TARBP1: variants seen among roughly 807,000 people sequenced by gnomAD.
The protein encoded by TARBP1 is tRNA (guanosine(18)-2'-O)-methyltransferase TARBP1.
Under a neutral mutation model 178.6 loss-of-function variants are expected in TARBP1, and 144 were observed. That is an observed-to-expected ratio of 0.81 (90% confidence interval 0.70 to 0.93). TARBP1 has a LOEUF of 0.93. TARBP1 is among the 40% of genes least tolerant of loss of function. TARBP1 has a pLI of 0.00. For synonymous variants in TARBP1, 787 were observed against 781.0 expected (o/e 1.01, Z -0.13); for missense variants, 2,067 against 2,011.7 (o/e 1.03, Z -0.53).
chr1:234,427,928 T>C (rs1663971186), intron 17 of TARBP1, among the ~76,000 whole-genome samples, 162 bp from the exon 18 acceptor site: 1 of 152,248 alleles, frequency 6.6e-6, no homozygotes. Flanking sequence ...AATCAGAGAA[T>C]GCTATTTCAT....
intron 6 of TARBP1, 78 bp downstream of exon 6, chr1:234,463,759 T>C (rs1437985373): frequency 2.9e-6 from 2 of 693,378 alleles, no homozygotes; most frequent in East Asian, 6.2e-5. Flanking sequence ...TAGTTGATGG[T>C]GCTTATAACC....
rs759441442 is a variant in TARBP1, at chr1:234,427,327, C to A, written c.3313G>T (p.Val1105Phe). ...NLGHDCAANI[V>F]MENTKREDHY... is the part of the protein sequence containing the mutation. Reference sequence around the variant, plus strand: ...ATCTACCATACTTACTTTTCCATAACAATATTTGCCGCACAGTCATGTCCA... The same window carrying A: ...ATCTACCATACTTACTTTTCCATAAAAATATTTGCCGCACAGTCATGTCCA... The change falls in exon 19 of 30, where the codon GTT becomes TTT. Residue 1105 changes from valine (V) to phenylalanine (F), a missense_variant. Val to Phe is a conservative substitution (Grantham distance 50). Transcript: ENST00000040877. 2 of 1,609,758 alleles carry A rather than the reference C, an allele frequency of 1.2e-6. No homozygotes were observed. The highest frequency in any genetic ancestry group is 4.5e-5 in the East Asian group (2 of 44,720).
intron 22 of TARBP1, 56 bp downstream of exon 22, chr1:234,418,028 G>A (rs1662627012): frequency 9.5e-7 from 1 of 1,047,908 alleles, no homozygotes; most frequent in Non-Finnish European, 1.3e-6. Flanking sequence ...AAATCTCCCA[G>A]CATTGTCAAA....
At chr1:234,397,069 T>G (rs1412766214) in intron 26 of TARBP1, among the ~76,000 whole-genome samples, 2 of 149,636 alleles carry the variant, frequency 1.3e-5, no homozygotes, top group East Asian at 4.0e-4. Flanking sequence ...GGTAATCGGC[T>G]GGGGAGAGTC....
intron 12 of TARBP1, among the ~76,000 whole-genome samples, chr1:234,445,093 A>G (rs1666013862): frequency 6.6e-6 from 1 of 151,986 alleles, no homozygotes; most frequent in African/African-American, 2.4e-5. Flanking sequence ...GTCGCCGCTG[A>G]TTTCCATGTT....
intron 3 of TARBP1, among the ~76,000 whole-genome samples, chr1:234,470,584 A>G (rs1448263860): frequency 6.6e-6 from 1 of 151,748 alleles, no homozygotes; most frequent in Non-Finnish European, 1.5e-5. Context: ...TTATCTCTTA[A>G]TTGTAGAAAA....
chr1:234,477,249 T>G (rs544322), intron 1 of TARBP1, among the ~76,000 whole-genome samples: 1 of 152,032 alleles, frequency 6.6e-6, no homozygotes. Flanking sequence ...AATGTTTTAA[T>G]TTTTGATGAT....
At chr1:234,395,699 C>T (rs574048475) in intron 26 of TARBP1, among the ~76,000 whole-genome samples, 4 of 152,082 alleles carry the variant, frequency 2.6e-5, no homozygotes, top group South Asian at 4.1e-4. Context: ...GTTACACAGG[C>T]GGTGGTTTCA....
At position 234,478,944 on chromosome 1, in the gene TARBP1, C is replaced by G; in HGVS notation, c.160G>C (p.Ala54Pro). Residue 54 changes from alanine (A) to proline (P), a missense_variant, in exon 1 of 30, where the codon GCA becomes CCA. Physicochemically the swap from Ala to Pro is conservative, Grantham distance 27. Transcript: ENST00000040877. ...CGCGCCGCCTCCGGGAGCGCGCCTG[C>G]GCCCCCGCTGCCGCGCGCCTCCTCG... is the stretch of plus-strand genomic sequence containing the variant. ...EDEEARGSGGAGALPEAAREV... is the reference protein window; with the variant it reads ...EDEEARGSGGPGALPEAAREV... 1 of 1,450,408 alleles carries G rather than the reference C, an allele frequency of 6.9e-7. No individual in the cohort carries two copies. The highest frequency in any genetic ancestry group is 9.0e-7 in the Non-Finnish European group (1 of 1,110,224). 89.8% of individuals were successfully genotyped at this position (1,450,408 alleles called of 1,614,324 possible). A position where few individuals can be genotyped will look rare whatever the true frequency, so the allele number is the denominator to read the frequency against.
intron 22 of TARBP1, among the ~76,000 whole-genome samples, chr1:234,415,211 A>AT (rs368649495): frequency 2.1e-4 from 32 of 152,270 alleles, no homozygotes; most frequent in African/African-American, 7.5e-4. Context: ...AGACAGGCTG[A>AT]TAGCAACAAA....
chr1:234,446,403 A>C (rs571408207), intron 12 of TARBP1, among the ~76,000 whole-genome samples: 2 of 152,344 alleles, frequency 1.3e-5, no homozygotes, highest in East Asian at 3.8e-4. Flanking sequence ...ATGCTTTAGC[A>C]GAGTGGCAAA....
chr1:234,420,778 T>C lies in TARBP1; in HGVS notation c.3479A>G (p.Tyr1160Cys), dbSNP rs765025746. The C allele has an allele frequency of 1.9e-6, 3 of 1,611,130 alleles. No individual in the cohort carries two copies. Among genetic ancestry groups the C allele is most frequent in the African/African-American group, 2.7e-5 (2 of 74,786 alleles). ...CACTCTGTGCTGTAGAGAATTCACA[T>C]AGTAGCGTTTTTTGGACTTGGACAC... ...ELVSKSKKRY[Y>C]VNSLQHRVKN... The change falls in exon 21 of 30, where the codon TAT becomes TGT. Residue 1160 changes from tyrosine (Y) to cysteine (C), a missense_variant. Tyr to Cys is a radical substitution (Grantham distance 194). Coordinates refer to ENST00000040877, the MANE Select transcript of TARBP1 (RefSeq NM_005646.4).
chr1:234,402,607 A>G (rs1184390445), intron 24 of TARBP1, among the ~76,000 whole-genome samples: 1 of 151,536 alleles, frequency 6.6e-6, no homozygotes, highest in Non-Finnish European at 1.5e-5. Context: ...ACAGGGTCTC[A>G]CTCGGTTGCC....
intron 7 of TARBP1, among the ~76,000 whole-genome samples, 184 bp from the exon 8 acceptor site, chr1:234,459,510 CTT>C (rs1445282769): frequency 2.6e-5 from 4 of 152,238 alleles, no homozygotes; most frequent in African/African-American, 9.6e-5. Flanking sequence ...AAACAAGTCT[CTT>C]TTAAAAATAA....
At chr1:234,477,536 T>C (rs778800503) in intron 1 of TARBP1, among the ~76,000 whole-genome samples, 3 of 152,236 alleles carry the variant, frequency 2.0e-5, no homozygotes, top group Non-Finnish European at 4.4e-5. Flanking sequence ...ACGTAACAAC[T>C]TGAAGGGAGG....
intron 3 of TARBP1, among the ~76,000 whole-genome samples, chr1:234,470,533 T>C (rs575580722): frequency 6.7e-6 from 1 of 150,258 alleles, no homozygotes; most frequent in Non-Finnish European, 1.5e-5. Context: ...ATTCTATAAA[T>C]GTTTGAAATT....
Position 234,478,364 on chromosome 1 carries a change from T to TCGCCGCCGGGCTCGGG in TARBP1, c.724_739dup (p.Asp247AlafsTer78). 6 of 1,267,568 alleles carry TCGCCGCCGGGCTCGGG rather than the reference T, an allele frequency of 4.7e-6. No homozygotes were observed. Among genetic ancestry groups the TCGCCGCCGGGCTCGGG allele is most frequent in the Non-Finnish European group, 5.9e-6 (6 of 1,010,820 alleles). 78.5% of individuals were successfully genotyped at this position (1,267,568 alleles called of 1,614,324 possible). A position where few individuals can be genotyped will look rare whatever the true frequency, so the allele number is the denominator to read the frequency against. On this transcript the variant is annotated frameshift_variant, in exon 1 of 30. Coordinates refer to ENST00000040877, the MANE Select transcript of TARBP1 (RefSeq NM_005646.4). LOFTEE classifies it high-confidence loss of function. Reference sequence around the variant, plus strand: ...CGCCTCGCGCGCGCCGCGGGCGCGGTCGCCGCCGGGCTCGGGCAACAGCTT... The same window carrying TCGCCGCCGGGCTCGGG: ...CGCCTCGCGCGCGCCGCGGGCGCGGTCGCCGCCGGGCTCGGGCGCCGCCGGGCTCGGGCAACAGCTT...
intron 3 of TARBP1, 58 bp downstream of exon 3, chr1:234,471,130 A>C: frequency 7.6e-7 from 1 of 1,312,032 alleles, no homozygotes. Flanking sequence ...GGAATTAGTT[A>C]CAAAATCAGG....
At chr1:234,467,754 A>G in intron 3 of TARBP1, 104 bp from the exon 4 acceptor site, 1 of 1,162,968 alleles carries the variant, frequency 8.6e-7, no homozygotes, top group Non-Finnish European at 1.1e-6. Flanking sequence ...TAACTTCATT[A>G]TAACACTACA....
Sources: allele counts gnomAD v4.1 joint callset (sites outside exome capture counted in the v4.1 genomes callset), GRCh38; gene constraint gnomAD v4.1.1; transcripts MANE v1.5; gene names NCBI Gene and HGNC (gene_info 2026-07-23, HGNC 2026-07-21).